COL23A1: variants seen among roughly 807,000 people sequenced by gnomAD.
COL23A1 encodes the protein collagen type XXIII alpha 1 chain, also known as collagen alpha-1(XXIII) chain.
COL23A1 carries 97 observed loss-of-function variants against 99.3 expected under a neutral mutation model. The ratio of observed to expected loss-of-function variants is 0.98; its 90% confidence interval spans 0.83 to 1.16. The LOEUF (loss-of-function observed/expected upper bound fraction) is 1.16, where lower values mean the gene tolerates loss of function less well. Ranked by LOEUF, COL23A1 falls within the 50% of genes most tolerant of loss-of-function variation. COL23A1 has a pLI of 0.00. For synonymous variants in COL23A1, 320 were observed against 308.2 expected, an observed-to-expected ratio of 1.04 and a Z score of -0.40; for missense variants, 762 against 757.4, an observed-to-expected ratio of 1.01 and a Z score of -0.07.
intron 2 of COL23A1, among the ~76,000 whole-genome samples, chr5:178,488,431 T>A (rs1219467645): frequency 6.6e-6 from 1 of 152,136 alleles, no homozygotes; most frequent in African/African-American, 2.4e-5. Flanking sequence ...CCTCTCCCTT[T>A]GTGGCACATG....
At chr5:178,506,253 C>T (rs575241521) in intron 2 of COL23A1, among the ~76,000 whole-genome samples, 31 of 152,270 alleles carry the variant, frequency 2.0e-4, no homozygotes, top group Middle Eastern at 3.4e-3. Flanking sequence ...CAGTCCTGGG[C>T]GAGGGTGGTT....
At chr5:178,554,333 T>C (rs1762157939) in intron 2 of COL23A1, among the ~76,000 whole-genome samples, 1 of 152,042 alleles carries the variant, frequency 6.6e-6, no homozygotes. Flanking sequence ...CGTGTGCCAC[T>C]ATGCCCAGCT....
intron 2 of COL23A1, among the ~76,000 whole-genome samples, chr5:178,349,922 G>T (rs1194941725): frequency 1.3e-5 from 2 of 152,180 alleles, no homozygotes; most frequent in East Asian, 3.9e-4. Context: ...GCCTGGAGAA[G>T]GTGGGCAGGA....
rs59946818 is a variant in COL23A1, at chr5:178,249,716, ACTCTCTCTCT to A, written c.1059+335_1059+344del. Among the ~76,000 whole-genome samples, 182 of 92,776 alleles carry A rather than the reference ACTCTCTCTCT, an allele frequency of 2.0e-3. 1 individual carries two copies. Among genetic ancestry groups the A allele is most frequent in the Admixed American group, 2.7e-3 (25 of 9,242 alleles). 60.9% of individuals were successfully genotyped at this position (92,776 alleles called of 152,430 possible). A position where few individuals can be genotyped will look rare whatever the true frequency, so the allele number is the denominator to read the frequency against. On this transcript the variant is annotated intron_variant, in intron 18 of 28. Transcript: ENST00000390654. ...CACACACACACACACACACACACAC[ACTCTCTCTCT>A]CTCTCTCTCTCTCTCTCTCTCTCTC...
chr5:178,304,435 G>C (rs533177328), intron 3 of COL23A1, among the ~76,000 whole-genome samples: 1 of 149,544 alleles, frequency 6.7e-6, no homozygotes, highest in Non-Finnish European at 1.5e-5. Flanking sequence ...GCTTGAATCT[G>C]GGAAGCAGAG....
At chr5:178,257,043 T>C in intron 13 of COL23A1, 115 bp from the exon 14 acceptor site, 1 of 897,986 alleles carries the variant, frequency 1.1e-6, no homozygotes, top group East Asian at 2.7e-5. Flanking sequence ...TCCTGGCAAA[T>C]TGTTACTGAG....
rs76291182 is a variant in COL23A1 at position 178,355,737 on chromosome 5, G to T, written c.362-48818C>A. Among the ~76,000 whole-genome samples the T allele has an allele frequency of 1.0e-3, 155 of 152,234 alleles. 5 individuals carry two copies. In the East Asian group the frequency reaches 0.023, roughly 23 times the overall value. On this transcript the variant is annotated intron_variant, in intron 2 of 28. Transcript: ENST00000390654. Reference sequence around the variant, plus strand: ...CATCTCCTGACCTCATGATCCGCCCGCCTCGGCCTCCCAAAGTGCTGGGAA... The same window carrying T: ...CATCTCCTGACCTCATGATCCGCCCTCCTCGGCCTCCCAAAGTGCTGGGAA...
chr5:178,289,717 G>T (rs957873484), intron 4 of COL23A1, among the ~76,000 whole-genome samples: 1 of 152,214 alleles, frequency 6.6e-6, no homozygotes, highest in Non-Finnish European at 1.5e-5. Flanking sequence ...TAAAGCTACG[G>T]ACATGGTGCT....
chr5:178,367,875 G>A (rs970642263), intron 2 of COL23A1, among the ~76,000 whole-genome samples: 4 of 152,252 alleles, frequency 2.6e-5, no homozygotes, highest in Non-Finnish European at 4.4e-5. Flanking sequence ...TGGGTCAGGC[G>A]CTGTGGAGAG....
At chr5:178,296,039 T>G (rs1345052289) in intron 3 of COL23A1, among the ~76,000 whole-genome samples, 1 of 152,220 alleles carries the variant, frequency 6.6e-6, no homozygotes, top group Non-Finnish European at 1.5e-5. Context: ...CATTGGATAT[T>G]TGTGTATAGC....
chr5:178,256,996 C>A, intron 13 of COL23A1, 68 bp from the exon 14 acceptor site: 1 of 1,487,562 alleles, frequency 6.7e-7, no homozygotes. Context: ...TGGAGGGGGG[C>A]GTGCCTCGGG....
At chr5:178,513,996 C>A (rs1759365421) in intron 2 of COL23A1, among the ~76,000 whole-genome samples, 1 of 152,170 alleles carries the variant, frequency 6.6e-6, no homozygotes, top group Non-Finnish European at 1.5e-5. Context: ...CACCATCCAT[C>A]CATCCACCCA....
intron 2 of COL23A1, among the ~76,000 whole-genome samples, chr5:178,503,242 G>A (rs934992961): frequency 1.6e-4 from 25 of 152,198 alleles, no homozygotes; most frequent in African/African-American, 5.5e-4. Context: ...TTAGCCAAGC[G>A]TGGTGGCTGA....
chr5:178,561,118 GATCA>G (rs1306113391), intron 1 of COL23A1, among the ~76,000 whole-genome samples: 1 of 152,202 alleles, frequency 6.6e-6, no homozygotes, highest in African/African-American at 2.4e-5. Flanking sequence ...GGAGAGGGCA[GATCA>G]AAGTTAATGC....
intron 3 of COL23A1, among the ~76,000 whole-genome samples, chr5:178,300,233 C>T (rs1757958230): frequency 6.6e-6 from 1 of 151,208 alleles, no homozygotes; most frequent in Non-Finnish European, 1.5e-5. Flanking sequence ...CCATGCCCGG[C>T]TAATTTTTTG....
chr5:178,473,530 T>C (rs1418395647), intron 2 of COL23A1, among the ~76,000 whole-genome samples: 1 of 149,842 alleles, frequency 6.7e-6, no homozygotes, highest in Non-Finnish European at 1.5e-5. Context: ...CCCAGGCTGG[T>C]CTTGAACTCC....
At chr5:178,287,586 T>C (rs1757224778) in intron 5 of COL23A1, among the ~76,000 whole-genome samples, 1 of 152,012 alleles carries the variant, frequency 6.6e-6, no homozygotes, top group Non-Finnish European at 1.5e-5. Context: ...TCACCAGCCG[T>C]CCTGACTGCA....
At chr5:178,457,139 T>C (rs1381806238) in intron 2 of COL23A1, among the ~76,000 whole-genome samples, 3 of 152,218 alleles carry the variant, frequency 2.0e-5, no homozygotes, top group Non-Finnish European at 2.9e-5. Flanking sequence ...ACTATCTCAC[T>C]TCAGTCTAAG....
intron 2 of COL23A1, among the ~76,000 whole-genome samples, chr5:178,535,050 A>C: frequency 6.9e-6 from 1 of 144,894 alleles, no homozygotes. Context: ...GGCTCACTGC[A>C]ACCTCTGCCT....
Sources: gnomAD v4.1 joint callset for allele counts (sites outside exome capture counted in the v4.1 genomes callset) on GRCh38, gnomAD v4.1.1 for gene constraint, MANE v1.5 for transcripts, NCBI Gene and HGNC (gene_info 2026-07-23, HGNC 2026-07-21) for gene names.